Variants in PLPPR1 observed in about 807,000 individuals in gnomAD.
The protein encoded by PLPPR1 is phospholipid phosphatase related 1.
PLPPR1 carries 10 observed loss-of-function variants against 33.1 expected under a neutral mutation model. That is an observed-to-expected ratio of 0.30 (90% CI 0.19 to 0.51). The LOEUF is 0.51. Ranked by LOEUF, PLPPR1 falls within the 20% of genes least tolerant of loss-of-function variation. The pLI, the probability that PLPPR1 is intolerant of heterozygous loss-of-function variation, is 0.97. For missense variants in PLPPR1, 304 were observed against 408.1 expected, an observed-to-expected ratio of 0.74 and a Z score of 2.20; for synonymous variants, 151 against 151.0, an observed-to-expected ratio of 1.00 and a Z score of 0.00.
chr9:101,034,495 GC>G (rs1287747167), intron 1 of PLPPR1, among the ~76,000 whole-genome samples: 15 of 152,098 alleles, frequency 9.9e-5, no homozygotes, highest in African/African-American at 3.6e-4. Context: ...CTAGAGTTAG[GC>G]TGTTAACCTG....
chr9:101,307,897 C>T (rs1248349645), intron 4 of PLPPR1, among the ~76,000 whole-genome samples: 3 of 152,132 alleles, frequency 2.0e-5, no homozygotes, highest in Non-Finnish European at 4.4e-5. Flanking sequence ...CTTCAACCCA[C>T]TTATAGCTCT....
At chr9:101,307,252 A>G (rs1346340050) in intron 4 of PLPPR1, among the ~76,000 whole-genome samples, 2 of 152,222 alleles carry the variant, frequency 1.3e-5, no homozygotes, top group Non-Finnish European at 2.9e-5. Flanking sequence ...CACTGACCCA[A>G]GGAACCTAGA....
chr9:101,117,903 C>A (rs1367227582), intron 1 of PLPPR1, among the ~76,000 whole-genome samples: 1 of 152,184 alleles, frequency 6.6e-6, no homozygotes, highest in Non-Finnish European at 1.5e-5. Context: ...TGTCTGACTC[C>A]CTCTTTTCAA....
At chr9:101,251,824 G>A (rs1252474949) in intron 2 of PLPPR1, among the ~76,000 whole-genome samples, 1 of 152,068 alleles carries the variant, frequency 6.6e-6, no homozygotes, top group East Asian at 1.9e-4. Flanking sequence ...TGGTCACAAT[G>A]TATTGTTGAG....
chr9:101,213,135 A>T (rs889169687), intron 2 of PLPPR1, among the ~76,000 whole-genome samples: 1 of 152,178 alleles, frequency 6.6e-6, no homozygotes, highest in Non-Finnish European at 1.5e-5. Context: ...GTTCAAATTC[A>T]TGGTGGTTTT....
intron 1 of PLPPR1, among the ~76,000 whole-genome samples, chr9:101,123,435 G>C (rs995375652): frequency 1.3e-5 from 2 of 152,150 alleles, no homozygotes; most frequent in Non-Finnish European, 2.9e-5. Flanking sequence ...GAGAGGGGTT[G>C]TTGGGGTGAT....
At chr9:101,231,497 T>G (rs1335905347) in intron 2 of PLPPR1, among the ~76,000 whole-genome samples, 1 of 152,022 alleles carries the variant, frequency 6.6e-6, no homozygotes, top group East Asian at 1.9e-4. Flanking sequence ...TGGAGGAAGA[T>G]TCCACATTGT....
chr9:101,306,188 T>C (rs1828856056), intron 4 of PLPPR1, among the ~76,000 whole-genome samples: 1 of 152,214 alleles, frequency 6.6e-6, no homozygotes, highest in South Asian at 2.1e-4. Flanking sequence ...GGTGCCAAGC[T>C]GGATGTGAAA....
intron 1 of PLPPR1, among the ~76,000 whole-genome samples, chr9:101,056,002 C>G (rs7872792): frequency 4.3e-4 from 66 of 152,320 alleles, no homozygotes; most frequent in African/African-American, 1.4e-3. Flanking sequence ...AATACAAAAG[C>G]AGCAATAGCA....
At chr9:101,076,927 C>A (rs1310246208) in intron 1 of PLPPR1, among the ~76,000 whole-genome samples, 1 of 152,184 alleles carries the variant, frequency 6.6e-6, no homozygotes, top group African/African-American at 2.4e-5. Context: ...CCCTACTTCC[C>A]TCTTTTCCTA....
At chr9:101,175,626 G>T (rs1826007653) in intron 1 of PLPPR1, among the ~76,000 whole-genome samples, 1 of 152,078 alleles carries the variant, frequency 6.6e-6, no homozygotes, top group African/African-American at 2.4e-5. Context: ...AGAATACAGG[G>T]TATTTGACTA....
intron 2 of PLPPR1, among the ~76,000 whole-genome samples, chr9:101,228,139 G>C (rs747849495): frequency 6.6e-6 from 1 of 152,128 alleles, no homozygotes; most frequent in Admixed American, 6.6e-5. Flanking sequence ...GGATGTTTGA[G>C]ATACTTTGTT....
intron 1 of PLPPR1, among the ~76,000 whole-genome samples, chr9:101,060,166 G>A (rs1427838328): frequency 2.0e-5 from 3 of 152,010 alleles, no homozygotes; most frequent in African/African-American, 7.2e-5. Context: ...CCTGTCATTC[G>A]CAACAAGATG....
At chr9:101,052,507 G>A (rs1042661404) in intron 1 of PLPPR1, among the ~76,000 whole-genome samples, 1 of 152,106 alleles carries the variant, frequency 6.6e-6, no homozygotes, top group African/African-American at 2.4e-5. Flanking sequence ...CACAATCAAG[G>A]GCATCTAGGG....
intron 2 of PLPPR1, among the ~76,000 whole-genome samples, chr9:101,218,102 T>G (rs953550075): frequency 6.6e-6 from 1 of 152,138 alleles, no homozygotes; most frequent in African/African-American, 2.4e-5. Context: ...AAATATCATA[T>G]AACACAAGTA....
chr9:101,085,862 G>C (rs1185451634), intron 1 of PLPPR1, among the ~76,000 whole-genome samples: 1 of 145,092 alleles, frequency 6.9e-6, no homozygotes, highest in Non-Finnish European at 1.5e-5. Context: ...GAAATGGACC[G>C]GGGGGGGCTC....
chr9:101,273,176 C>A lies in PLPPR1; in HGVS notation c.252+3108C>A, dbSNP rs565999859. ...TCTTCTGTAAGAGAATCTGACCTCA[C>A]AATTTTCTGCCTGTTTCCCCTAGAA... On this transcript the variant is annotated intron_variant, in intron 3 of 7. Transcript: ENST00000374874. 2.0e-4 allele frequency among the ~76,000 whole-genome samples: 30 copies of A among 152,276 alleles called. 1 individual carries two copies. The South Asian group carries it at 6.2e-3, about 32-fold the overall frequency.
At chr9:101,230,461 A>G (rs1827158990) in intron 2 of PLPPR1, among the ~76,000 whole-genome samples, 1 of 152,140 alleles carries the variant, frequency 6.6e-6, no homozygotes, top group African/African-American at 2.4e-5. Flanking sequence ...AGTTTGCAAG[A>G]AAAACTAGGT....
intron 2 of PLPPR1, among the ~76,000 whole-genome samples, chr9:101,190,195 AC>A (rs1826272032): frequency 6.6e-6 from 1 of 152,232 alleles, no homozygotes; most frequent in East Asian, 1.9e-4. Flanking sequence ...CTTTCAGTTT[AC>A]CTGTGAATTG....
Sources: gnomAD v4.1 joint callset for allele counts (sites outside exome capture counted in the v4.1 genomes callset) on GRCh38, gnomAD v4.1.1 for gene constraint, MANE v1.5 for transcripts, NCBI Gene and HGNC (gene_info 2026-07-23, HGNC 2026-07-21) for gene names.